MSI1: variants seen among roughly 807,000 people sequenced by gnomAD.
The protein encoded by MSI1 is RNA-binding protein Musashi homolog 1.
Under a neutral mutation model 54.4 loss-of-function variants are expected in MSI1, and 15 were observed. The ratio of observed to expected loss-of-function variants is 0.28; its 90% CI spans 0.18 to 0.42. MSI1 has a LOEUF of 0.42. Ranked by LOEUF, MSI1 falls within the 20% of genes least tolerant of loss-of-function variation. MSI1 has a pLI of 1.00. For missense variants in MSI1, 304 were observed against 506.0 expected, an observed-to-expected ratio of 0.60 and a Z score of 3.83; for synonymous variants, 200 against 196.5, an observed-to-expected ratio of 1.02 and a Z score of -0.15.
At chr12:120,340,252 A>G (rs1873622802), downstream of MSI1, among the ~76,000 whole-genome samples, 2 of 151,792 alleles carry the variant, frequency 1.3e-5, no homozygotes, top group African/African-American at 4.8e-5. Flanking sequence ...ACACCCAGCT[A>G]ATTTTTTGTA....
At chr12:120,356,713 A>AC (rs539142098) in intron 9 of MSI1, among the ~76,000 whole-genome samples, 189 bp downstream of exon 9, 33 of 152,144 alleles carry the variant, frequency 2.2e-4, no homozygotes, top group Middle Eastern at 3.4e-3. Flanking sequence ...AGAGGGCAGC[A>AC]CCCCCCAACC....
rs146873229 is a variant in MSI1, at chr12:120,343,801, C to A, written c.*22-696G>T. ...AATGTCATGGGCTCACAGTCTCCCA[C>A]CATCTGGATAGACACTGTGATGGCC... On this transcript the variant is annotated intron_variant, in intron 14 of 14. Transcript: ENST00000257552. 2.1e-3 allele frequency among the ~76,000 whole-genome samples: 321 copies of A among 152,274 alleles called. 2 individuals carry two copies. The highest frequency in any genetic ancestry group is 3.3e-3 in the Non-Finnish European group (224 of 68,024).
In MSI1 at chr12:120,342,187, A is replaced by C. The variant is rs1263731381; in HGVS notation, c.*940T>G. ...GAGCAGGGGAGACCTTTGGAGAGTTAATTCCTGTCCAGCAGTGTCGCTGGG... is the reference window on the plus strand; with the variant it reads ...GAGCAGGGGAGACCTTTGGAGAGTTCATTCCTGTCCAGCAGTGTCGCTGGG... On this transcript the variant is annotated 3_prime_UTR_variant, in exon 15 of 15. Coordinates refer to ENST00000257552, the MANE Select transcript of MSI1 (RefSeq NM_002442.4). The C allele has an allele frequency of 6.5e-6, 1 of 152,676 alleles. No homozygotes were observed. Among genetic ancestry groups the C allele is most frequent in the East Asian group, 1.9e-4 (1 of 5,178 alleles). The allele number at this position is 152,676 out of a possible 1,614,324, so 9.5% of individuals were successfully genotyped here. A position where few individuals can be genotyped will look rare whatever the true frequency, so the allele number is the denominator to read the frequency against.
intron 9 of MSI1, among the ~76,000 whole-genome samples, chr12:120,356,578 C>T (rs1354067744): frequency 6.6e-6 from 1 of 152,124 alleles, no homozygotes; most frequent in African/African-American, 2.4e-5. Context: ...TAGAGTTGCT[C>T]AATAACTGTG....
intron 4 of MSI1, among the ~76,000 whole-genome samples, chr12:120,367,221 A>G (rs139514194): frequency 2.2e-3 from 331 of 148,992 alleles, no homozygotes; most frequent in African/African-American, 7.5e-3. Context: ...GCATGGAGAG[A>G]AGAGATCCAC....
At chr12:120,365,458 G>A (rs1028653439) in intron 4 of MSI1, among the ~76,000 whole-genome samples, 6 of 152,172 alleles carry the variant, frequency 3.9e-5, no homozygotes, top group African/African-American at 9.6e-5. Flanking sequence ...AATGTAAGCC[G>A]TCTTATTCCT....
chr12:120,347,854 G>GC (rs1874267109), intron 11 of MSI1, among the ~76,000 whole-genome samples: 2 of 152,148 alleles, frequency 1.3e-5, no homozygotes, highest in South Asian at 4.1e-4. Flanking sequence ...GCCCGCAGCT[G>GC]CCCCCTTCTC....
Position 120,368,777 on chromosome 12 carries a change from C to A in MSI1, c.100+56G>T. ...CGGGCTGGGGTGTCCGGGTCCGGGG[C>A]GCCGGGGGGTCCGGGGTGCCCTGCC... On this transcript the variant is annotated intron_variant, in intron 2 of 14. Coordinates refer to ENST00000257552, the MANE Select transcript of MSI1 (RefSeq NM_002442.4). This position sits in a 1 kb window ranked among gnomAD's most constrained non-coding sequence, Gnocchi z 6.6. 1 of 1,359,358 alleles carries A rather than the reference C, an allele frequency of 7.4e-7. No homozygotes were observed. The highest frequency in any genetic ancestry group is 9.6e-7 in the Non-Finnish European group (1 of 1,038,478). 84.2% of individuals were successfully genotyped at this position (1,359,358 alleles called of 1,614,324 possible). A position where few individuals can be genotyped will look rare whatever the true frequency, so the allele number is the denominator to read the frequency against.
rs1196760524 is a variant in MSI1 at position 120,342,644 on chromosome 12, T to A, written c.*483A>T. 2.0e-4 allele frequency: 20 copies of A among 102,098 alleles called. No homozygotes were observed. The highest frequency in any genetic ancestry group is 7.5e-4 in the African/African-American group (19 of 25,200). The allele number at this position is 102,098 out of a possible 1,614,324, so 6.3% of individuals were successfully genotyped here. ...AAACCTAGAAATAGTTTAAAAAAGG[T>A]TTCTTTAAAAAAAAAAAAAAAAAAA... On this transcript the variant is annotated 3_prime_UTR_variant, in exon 15 of 15. Coordinates refer to ENST00000257552, the MANE Select transcript of MSI1 (RefSeq NM_002442.4).
At chr12:120,359,148 C>T (rs1875415038) in intron 6 of MSI1, 95 bp from the exon 7 acceptor site, 3 of 1,461,988 alleles carry the variant, frequency 2.1e-6, no homozygotes, top group Non-Finnish European at 2.8e-6. Context: ...GCCCTCTTGC[C>T]CACTCCAGGC....
At chr12:120,344,799 G>C (rs1196740736) in intron 14 of MSI1, among the ~76,000 whole-genome samples, 2 of 152,122 alleles carry the variant, frequency 1.3e-5, no homozygotes, top group African/African-American at 4.8e-5. Context: ...CTTGAGGCCA[G>C]GAGTTTGAGA....
At chr12:120,352,364 C>G (rs1482749553) in intron 10 of MSI1, among the ~76,000 whole-genome samples, 1 of 151,736 alleles carries the variant, frequency 6.6e-6, no homozygotes, top group African/African-American at 2.4e-5. Flanking sequence ...TCCCAGAATC[C>G]TCTTCTTCTT....
intron 5 of MSI1, among the ~76,000 whole-genome samples, chr12:120,364,242 C>A (rs1489591835): frequency 3.3e-5 from 5 of 152,162 alleles, no homozygotes; most frequent in African/African-American, 1.2e-4. Context: ...AACTGAAAGA[C>A]AACAGGTGAC....
intron 11 of MSI1, among the ~76,000 whole-genome samples, chr12:120,348,111 GCCTCC>G (rs71995945): frequency 0.063 from 9,528 of 151,932 alleles, 417 homozygotes; most frequent in Admixed American, 0.15. Context: ...CACCCTAAGG[GCCTCC>G]CTGACCACCC....
Position 120,368,436 on chromosome 12 carries a change from C to T in MSI1, c.101-163G>A, listed in dbSNP as rs1876164427. On this transcript the variant is annotated intron_variant, in intron 2 of 14. Transcript: ENST00000257552. The surrounding 1 kb of genome is among the most constrained non-coding windows in gnomAD (Gnocchi z 6.6). Reference sequence around the variant, plus strand: ...CCCCACCGCCCTCGCCCCGTTCCCGCTGAGCCTCCTGGCGCCCACCGGGGC... The same window carrying T: ...CCCCACCGCCCTCGCCCCGTTCCCGTTGAGCCTCCTGGCGCCCACCGGGGC... Among the ~76,000 whole-genome samples, 1 of 151,804 alleles carries T rather than the reference C, an allele frequency of 6.6e-6. No individual in the cohort carries two copies. The highest frequency in any genetic ancestry group is 2.4e-5 in the African/African-American group (1 of 41,348).
At chr12:120,356,823 G>A (rs1875165013) in intron 9 of MSI1, 79 bp downstream of exon 9, 1 of 1,273,762 alleles carries the variant, frequency 7.9e-7, no homozygotes, top group Admixed American at 1.7e-5. Flanking sequence ...CACAGGGGAG[G>A]TGCAACACCC....
intron 14 of MSI1, among the ~76,000 whole-genome samples, chr12:120,345,043 T>A (rs938417095): frequency 1.3e-5 from 2 of 150,386 alleles, no homozygotes; most frequent in Non-Finnish European, 3.0e-5. Context: ...ATAGTAATAA[T>A]AATAAACGAT....
At chr12:120,346,640 G>A (rs1489685480) in intron 12 of MSI1, among the ~76,000 whole-genome samples, 1 of 151,968 alleles carries the variant, frequency 6.6e-6, no homozygotes, top group East Asian at 1.9e-4. Flanking sequence ...CCCACCACCC[G>A]GGCTCCTCCT....
intron 4 of MSI1, among the ~76,000 whole-genome samples, 191 bp downstream of exon 4, chr12:120,367,817 C>T (rs536435820): frequency 2.0e-5 from 3 of 152,094 alleles, no homozygotes; most frequent in African/African-American, 7.2e-5. Context: ...CATGGCAGGC[C>T]AGGGATTTTT....
Sources: gnomAD v4.1 joint callset for allele counts (sites outside exome capture counted in the v4.1 genomes callset) on GRCh38, gnomAD v4.1.1 for gene constraint, Gnocchi (gnomAD v3.1) non-coding constraint, MANE v1.5 for transcripts, NCBI Gene and HGNC (gene_info 2026-07-23, HGNC 2026-07-21) for gene names.